SLC39A9: variants seen among roughly 807,000 people sequenced by gnomAD.
The protein encoded by SLC39A9 is zinc transporter ZIP9.
Under a neutral mutation model 28.4 loss-of-function variants are expected in SLC39A9, and 14 were observed. That is an observed-to-expected ratio of 0.49 (90% CI 0.33 to 0.77). SLC39A9 has a LOEUF of 0.77. Among genes scored for constraint, SLC39A9 ranks in the 30% least tolerant of loss-of-function variants. The pLI is 0.02. For missense variants in SLC39A9, 283 were observed against 381.1 expected, an observed-to-expected ratio of 0.74 and a Z score of 2.14; for synonymous variants, 119 against 149.6, an observed-to-expected ratio of 0.80 and a Z score of 1.49.
chr14:69,458,905 G>A lies in SLC39A9; in HGVS notation c.*312G>A, dbSNP rs992675035. 1.8e-6 allele frequency: 2 copies of A among 1,087,896 alleles called. No homozygotes were observed. Among genetic ancestry groups the A allele is most frequent in the African/African-American group, 3.2e-5 (2 of 61,608 alleles). 67.4% of individuals were successfully genotyped at this position (1,087,896 alleles called of 1,614,324 possible). A position where few individuals can be genotyped will look rare whatever the true frequency, so the allele number is the denominator to read the frequency against. Reference sequence around the variant, plus strand: ...TGGAATTTAGTTTTAAGGAAAAGAGGAGAACTTCATACTCACAATGAAATA... The same window carrying A: ...TGGAATTTAGTTTTAAGGAAAAGAGAAGAACTTCATACTCACAATGAAATA... On this transcript the variant is annotated 3_prime_UTR_variant, in exon 7 of 7. Transcript: ENST00000336643.
rs1463064906 is a variant in SLC39A9, at chr14:69,461,101, T to C, written c.*2508T>C. 3.0e-6 allele frequency: 3 copies of C among 986,616 alleles called. No individual in the cohort carries two copies. Among genetic ancestry groups the C allele is most frequent in the African/African-American group, 3.5e-5 (2 of 57,240 alleles). The allele number at this position is 986,616 out of a possible 1,614,324, so 61.1% of individuals were successfully genotyped here. A position where few individuals can be genotyped will look rare whatever the true frequency, so the allele number is the denominator to read the frequency against. On this transcript the variant is annotated 3_prime_UTR_variant, in exon 7 of 7. Coordinates refer to ENST00000336643, the MANE Select transcript of SLC39A9 (RefSeq NM_018375.5). ...TAATGCTGTAACACATTTGAAAACATTGGCAATACTTAAGTTGCTGCCATG... is the reference window on the plus strand; with the variant it reads ...TAATGCTGTAACACATTTGAAAACACTGGCAATACTTAAGTTGCTGCCATG...
intron 2 of SLC39A9, among the ~76,000 whole-genome samples, chr14:69,426,314 T>A (rs1244481927): frequency 1.3e-5 from 2 of 152,168 alleles, no homozygotes; most frequent in Admixed American, 6.5e-5. Flanking sequence ...CACAACCCCC[T>A]CTTTGGGTTC....
intron 6 of SLC39A9, 45 bp downstream of exon 6, chr14:69,455,911 C>G (rs1489332912): frequency 6.3e-7 from 1 of 1,588,324 alleles, no homozygotes; most frequent in African/African-American, 1.4e-5. Context: ...GTCTTGTGAT[C>G]TCTTAGAATT....
At chr14:69,439,606 AT>A (rs1884946021) in intron 2 of SLC39A9, among the ~76,000 whole-genome samples, 1 of 152,144 alleles carries the variant, frequency 6.6e-6, no homozygotes. Flanking sequence ...TCCCCTCCAC[AT>A]CTAGTGTTGA....
chr14:69,420,926 G>A (rs903645489), intron 1 of SLC39A9, among the ~76,000 whole-genome samples: 7 of 152,168 alleles, frequency 4.6e-5, no homozygotes, highest in Non-Finnish European at 8.8e-5. Context: ...GCTTCCTTGC[G>A]ATGGGTTTGA....
intron 3 of SLC39A9, among the ~76,000 whole-genome samples, chr14:69,449,529 A>G (rs1407409535): frequency 6.6e-6 from 1 of 151,668 alleles, no homozygotes; most frequent in East Asian, 1.9e-4. Flanking sequence ...GGAGGCTGAG[A>G]TGGGAGGATT....
In SLC39A9 at chr14:69,454,817, G is replaced by A; in HGVS notation, c.478G>A (p.Gly160Ser). 3.1e-6 allele frequency: 5 copies of A among 1,613,334 alleles called. No homozygotes were observed. The highest frequency in any genetic ancestry group is 4.2e-6 in the Non-Finnish European group (5 of 1,179,432). The change falls in exon 5 of 7, where the codon GGT (glycine) becomes AGT (serine). Residue 160 changes from glycine (G) to serine (S), a missense_variant. Physicochemically the swap from Gly to Ser is moderately conservative, Grantham distance 56 (BLOSUM62 0). Transcript: ENST00000336643. ...TTCCTTGTTTCCAAATATAGCTGAT[G>A]GTGTTGCTTTGGGAGCAGCAGCATC... ...LGLVVHAAAD[G>S]VALGAAASTS...
chr14:69,424,294 A>T, intron 2 of SLC39A9, 92 bp downstream of exon 2: 1 of 906,582 alleles, frequency 1.1e-6, no homozygotes, highest in East Asian at 2.6e-5. Flanking sequence ...AGCACAGTTC[A>T]TGTTTACCAT....
At chr14:69,433,477 A>G (rs188948934) in intron 2 of SLC39A9, among the ~76,000 whole-genome samples, 140 of 152,242 alleles carry the variant, frequency 9.2e-4, no homozygotes, top group Admixed American at 2.5e-3. Context: ...CTTCTCTTTT[A>G]TATCCTAGAA....
At chr14:69,418,013 G>A (rs2140266222) in intron 1 of SLC39A9, among the ~76,000 whole-genome samples, 1 of 152,220 alleles carries the variant, frequency 6.6e-6, no homozygotes, top group Middle Eastern at 3.4e-3. Flanking sequence ...TGTTGAATGG[G>A]AACGGTAAGA....
At chr14:69,403,588 A>G (rs1450721094) in intron 1 of SLC39A9, among the ~76,000 whole-genome samples, 1 of 152,256 alleles carries the variant, frequency 6.6e-6, no homozygotes, top group East Asian at 1.9e-4. Flanking sequence ...GACATAGAAA[A>G]TACAAGCCCA....
At chr14:69,431,788 C>T (rs1319368035) in intron 2 of SLC39A9, among the ~76,000 whole-genome samples, 3 of 152,068 alleles carry the variant, frequency 2.0e-5, no homozygotes, top group Non-Finnish European at 2.9e-5. Flanking sequence ...GTTTAGTTCC[C>T]ACTTGTAAGT....
rs1221789494 is a variant in SLC39A9 at position 69,459,065 on chromosome 14, A to G, written c.*472A>G. ...ACTGGTGCTTTAGCATCTATGCCAC[A>G]TGCGTTGATGGAAGGTCATAGCACC... On this transcript the variant is annotated 3_prime_UTR_variant, in exon 7 of 7. Transcript: ENST00000336643. 1.0e-6 allele frequency: 1 copy of G among 987,678 alleles called. No homozygotes were observed. Among genetic ancestry groups the G allele is most frequent in the Non-Finnish European group, 1.2e-6 (1 of 831,140 alleles). 61.2% of individuals were successfully genotyped at this position (987,678 alleles called of 1,614,324 possible). A position where few individuals can be genotyped will look rare whatever the true frequency, so the allele number is the denominator to read the frequency against.
At position 69,455,803 on chromosome 14, in the gene SLC39A9, C is replaced by G. The variant is rs779715593; in HGVS notation, c.630C>G (p.His210Gln). The G allele has an allele frequency of 6.2e-7, 1 of 1,614,218 alleles. No homozygotes were observed. Residue 210 changes from histidine (H) to glutamine (Q), a missense_variant, in exon 6 of 7, where the codon CAC (histidine) becomes CAG (glutamine). By Grantham distance (24) the His-to-Gln change is conservative. Transcript: ENST00000336643. ...AGLERNRIRK[H>Q]LLVFALAAPV... ...TAGAGCGGAATCGAATCAGAAAGCA[C>G]TTGCTGGTCTTTGCATTGGCAGCAC...
At chr14:69,443,198 A>G (rs1885128513) in intron 3 of SLC39A9, among the ~76,000 whole-genome samples, 1 of 152,250 alleles carries the variant, frequency 6.6e-6, no homozygotes, top group African/African-American at 2.4e-5. Context: ...AAACTTCTCC[A>G]GGGATTGATG....
chr14:69,457,076 C>G (rs1430734207), intron 6 of SLC39A9, among the ~76,000 whole-genome samples: 2 of 151,960 alleles, frequency 1.3e-5, no homozygotes, highest in Non-Finnish European at 2.9e-5. Flanking sequence ...ATGGGATGTC[C>G]TTTTCTTAAA....
intron 1 of SLC39A9, among the ~76,000 whole-genome samples, chr14:69,418,332 A>T (rs1294659923): frequency 1.3e-5 from 2 of 151,986 alleles, no homozygotes; most frequent in East Asian, 1.9e-4. Flanking sequence ...GTCTTGGTGG[A>T]TAAGCTTTTT....
chr14:69,437,650 C>G (rs1181774683), intron 2 of SLC39A9, among the ~76,000 whole-genome samples: 5 of 150,698 alleles, frequency 3.3e-5, no homozygotes. Flanking sequence ...AGTGCAGTGG[C>G]ACCATCTCAG....
At chr14:69,418,512 C>T (rs574882293) in intron 1 of SLC39A9, among the ~76,000 whole-genome samples, 1 of 152,246 alleles carries the variant, frequency 6.6e-6, no homozygotes, top group South Asian at 2.1e-4. Flanking sequence ...AGAGAATTCC[C>T]TCTTTTTCTA....
Sources: gnomAD v4.1 joint callset for allele counts (sites outside exome capture counted in the v4.1 genomes callset) on GRCh38, gnomAD v4.1.1 for gene constraint, MANE v1.5 for transcripts, NCBI Gene and HGNC (gene_info 2026-07-23, HGNC 2026-07-21) for gene names.